The following GLG1 variants were observed in gnomAD, a reference collection of about 807,000 sequenced individuals.
GLG1 encodes the protein Golgi apparatus protein 1.
GLG1 carries 38 observed loss-of-function variants against 160.5 expected under a neutral mutation model. That is an observed-to-expected ratio of 0.24 (90% CI 0.18 to 0.31). GLG1 has a LOEUF of 0.31. Ranked by LOEUF, GLG1 falls within the 10% of genes least tolerant of loss-of-function variation. The pLI, the probability that GLG1 is intolerant of heterozygous loss-of-function variation, is 1.00. For missense variants in GLG1, 1,373 were observed against 1,505.2 expected (o/e 0.91, Z 1.45); for synonymous variants, 644 against 543.4 (o/e 1.19, Z -2.57).
Position 74,471,235 on chromosome 16 carries a change from G to T in GLG1, c.2167C>A (p.Gln723Lys), listed in dbSNP as rs1021675067. The change falls in exon 15 of 26, where the codon CAG (glutamine) becomes AAG (lysine). Residue 723 changes from glutamine (Q) to lysine (K), a missense_variant. Physicochemically the swap from Gln to Lys is moderately conservative, Grantham distance 53 (BLOSUM62 1). Coordinates refer to ENST00000422840, the MANE Select transcript of GLG1 (RefSeq NM_001145667.2). ...TTCATGTCCTTCTGGTGTTTGTTCT[G>T]TATCAGACACTCCATCAGGTCCCCA... ...DSGDLMECLI[Q>K]NKHQKDMNEK... is the part of the protein sequence containing the mutation. 33 of 1,612,460 alleles carry T rather than the reference G, an allele frequency of 2.0e-5. No individual in the cohort carries two copies. The highest frequency in any genetic ancestry group is 2.6e-5 in the Non-Finnish European group (31 of 1,178,634).
intron 2 of GLG1, among the ~76,000 whole-genome samples, chr16:74,519,343 G>A (rs2017085940): frequency 6.6e-6 from 1 of 151,858 alleles, no homozygotes; most frequent in Non-Finnish European, 1.5e-5. Flanking sequence ...TGGGGGTGGG[G>A]GGCTAGGGGA....
intron 8 of GLG1, among the ~76,000 whole-genome samples, chr16:74,490,214 C>G (rs4888246): frequency 6.6e-6 from 1 of 152,194 alleles, no homozygotes; most frequent in South Asian, 2.1e-4. Flanking sequence ...AAGGGATGTA[C>G]TAAATCTCTA....
intron 13 of GLG1, among the ~76,000 whole-genome samples, chr16:74,473,945 C>T (rs146111108): frequency 2.4e-3 from 359 of 151,902 alleles, no homozygotes; most frequent in African/African-American, 8.1e-3. Context: ...ATGTGAAGTA[C>T]TGCTGCTATT....
chr16:74,539,754 T>G (rs1489896419), intron 1 of GLG1, among the ~76,000 whole-genome samples: 1 of 148,154 alleles, frequency 6.7e-6, no homozygotes, highest in Non-Finnish European at 1.5e-5. Flanking sequence ...CCTGACTCCC[T>G]GACAGAAAGA....
chr16:74,600,096 G>A (rs1958405070), intron 1 of GLG1, among the ~76,000 whole-genome samples: 1 of 152,164 alleles, frequency 6.6e-6, no homozygotes, highest in Non-Finnish European at 1.5e-5. Context: ...AGTGCTTTCT[G>A]AAGCATGTGC....
intron 3 of GLG1, among the ~76,000 whole-genome samples, chr16:74,505,791 G>A (rs528767564): frequency 6.6e-6 from 1 of 152,274 alleles, no homozygotes; most frequent in Admixed American, 6.5e-5. Context: ...GCAGGCGGAG[G>A]TTGCAGTGAG....
At chr16:74,575,361 T>C (rs1305891244) in intron 1 of GLG1, among the ~76,000 whole-genome samples, 1 of 152,212 alleles carries the variant, frequency 6.6e-6, no homozygotes, top group Non-Finnish European at 1.5e-5. Flanking sequence ...GGGAGAAATA[T>C]TCTACCAATC....
chr16:74,593,994 C>A (rs1958244948), intron 1 of GLG1, among the ~76,000 whole-genome samples: 1 of 152,042 alleles, frequency 6.6e-6, no homozygotes, highest in Non-Finnish European at 1.5e-5. Context: ...GCAACCTCCG[C>A]CTCCCAGGTT....
At chr16:74,490,033 C>T (rs754345084) in intron 8 of GLG1, among the ~76,000 whole-genome samples, 2 of 152,168 alleles carry the variant, frequency 1.3e-5, no homozygotes, top group African/African-American at 4.8e-5. Context: ...TAAAGTTACA[C>T]TGAGGGAGGA....
At position 74,451,843 on chromosome 16, in the gene GLG1, CT is replaced by C. The variant is rs1184672743; in HGVS notation, c.*1323del. The C allele has an allele frequency of 1.5e-5, 8 of 518,594 alleles. No individual in the cohort carries two copies. Among genetic ancestry groups the C allele is most frequent in the Non-Finnish European group, 2.8e-5 (8 of 284,704 alleles). The allele number at this position is 518,594 out of a possible 1,614,324, so 32.1% of individuals were successfully genotyped here. A position where few individuals can be genotyped will look rare whatever the true frequency, so the allele number is the denominator to read the frequency against. ...TGAGGCGGGATGGCCAAGAATATTG[CT>C]TCTATAAAGCCCATATTCTGCAAAG... is the stretch of plus-strand genomic sequence containing the variant. On this transcript the variant is annotated 3_prime_UTR_variant, in exon 26 of 26. Transcript: ENST00000422840.
chr16:74,562,756 T>C (rs1444780692), intron 1 of GLG1, among the ~76,000 whole-genome samples: 2 of 152,182 alleles, frequency 1.3e-5, no homozygotes, highest in African/African-American at 2.4e-5. Flanking sequence ...ATTACAGGCA[T>C]GAGCTACCGT....
intron 1 of GLG1, among the ~76,000 whole-genome samples, chr16:74,537,803 T>C (rs2017727789): frequency 6.8e-6 from 1 of 146,306 alleles, no homozygotes; most frequent in Non-Finnish European, 1.5e-5. Context: ...TAATCTCTCC[T>C]AGTCAAAGTC....
At chr16:74,548,472 C>A (rs1320438266) in intron 1 of GLG1, among the ~76,000 whole-genome samples, 1 of 152,192 alleles carries the variant, frequency 6.6e-6, no homozygotes, top group African/African-American at 2.4e-5. Flanking sequence ...GTAACCACAG[C>A]TTGGCCTACC....
At chr16:74,489,142 T>C (rs933894984) in intron 8 of GLG1, among the ~76,000 whole-genome samples, 1 of 152,094 alleles carries the variant, frequency 6.6e-6, no homozygotes, top group East Asian at 1.9e-4. Flanking sequence ...TTTTCTTTTT[T>C]CTGTATCCCT....
intron 1 of GLG1, among the ~76,000 whole-genome samples, chr16:74,545,344 T>A (rs1331214775): frequency 6.6e-6 from 1 of 151,980 alleles, no homozygotes; most frequent in African/African-American, 2.4e-5. Context: ...CTACACCTGG[T>A]TAATTTTTGT....
At chr16:74,556,125 C>T (rs546798752) in intron 1 of GLG1, among the ~76,000 whole-genome samples, 7 of 152,254 alleles carry the variant, frequency 4.6e-5, no homozygotes, top group Admixed American at 2.6e-4. Flanking sequence ...AGGCATGAGC[C>T]ACTGGTAAGA....
chr16:74,503,368 T>C (rs2016481397), intron 4 of GLG1, among the ~76,000 whole-genome samples, 163 bp downstream of exon 4: 1 of 152,118 alleles, frequency 6.6e-6, no homozygotes, highest in Non-Finnish European at 1.5e-5. Context: ...ACACATGAAA[T>C]ACATTGTCAA....
intron 2 of GLG1, among the ~76,000 whole-genome samples, chr16:74,514,266 T>G (rs1266326995): frequency 6.6e-6 from 1 of 152,032 alleles, no homozygotes; most frequent in African/African-American, 2.4e-5. Flanking sequence ...CAGGCCAACA[T>G]TCAAATTCAG....
chr16:74,559,617 G>C (rs1011629502), intron 1 of GLG1, among the ~76,000 whole-genome samples: 1 of 151,864 alleles, frequency 6.6e-6, no homozygotes, highest in African/African-American at 2.4e-5. Flanking sequence ...TATGCAGATA[G>C]TCTTGGATCT....
Sources: gnomAD v4.1 joint callset for allele counts (sites outside exome capture counted in the v4.1 genomes callset) on GRCh38, gnomAD v4.1.1 for gene constraint, MANE v1.5 for transcripts, NCBI Gene and HGNC (gene_info 2026-07-23, HGNC 2026-07-21) for gene names.